Variants in NAV3 observed in about 807,000 individuals in gnomAD.
The protein encoded by NAV3 is pore membrane and/or filament interacting like protein 1.
In NAV3, 87 loss-of-function variants were observed where a neutral mutation model predicts 244.7. The observed-to-expected ratio is 0.36, with a 90% CI of 0.30 to 0.42. NAV3 has a LOEUF of 0.42. Among genes scored for constraint, NAV3 ranks in the 20% least tolerant of loss-of-function variants. The probability of loss-of-function intolerance (pLI) is 1.00; values close to 1 mark genes in which losing one functional copy is unlikely to be tolerated. For synonymous variants in NAV3, 1,126 were observed against 1,042.2 expected (o/e 1.08, Z -1.55); for missense variants, 2,663 against 2,893.3 (o/e 0.92, Z 1.83).
At chr12:77,920,575 C>T (rs1272432807) in intron 1 of NAV3, among the ~76,000 whole-genome samples, 2 of 151,952 alleles carry the variant, frequency 1.3e-5, no homozygotes. Flanking sequence ...AATTAAAATG[C>T]ATTTTTAGCT....
intron 1 of NAV3, among the ~76,000 whole-genome samples, chr12:77,869,415 A>G (rs1259778913): frequency 6.6e-6 from 1 of 152,238 alleles, no homozygotes; most frequent in East Asian, 1.9e-4. Context: ...AATGCAATCA[A>G]TCTTATTGCC....
chr12:78,124,331 T>C (rs1955810612), intron 16 of NAV3, among the ~76,000 whole-genome samples: 1 of 152,250 alleles, frequency 6.6e-6, no homozygotes, highest in Admixed American at 6.5e-5. Context: ...CTGAAGTCAA[T>C]AAAATTTTCA....
At chr12:77,981,519 T>C (rs1334375214) in intron 5 of NAV3, among the ~76,000 whole-genome samples, 2 of 152,134 alleles carry the variant, frequency 1.3e-5, no homozygotes, top group Non-Finnish European at 2.9e-5. Flanking sequence ...TTAGTGAATG[T>C]ATTTAACTGT....
intron 12 of NAV3, among the ~76,000 whole-genome samples, chr12:78,090,770 A>G (rs1178021289): frequency 3.3e-5 from 5 of 152,194 alleles, no homozygotes; most frequent in Non-Finnish European, 7.3e-5. Flanking sequence ...AAGAGCTACT[A>G]CAATAGTTGC....
intron 2 of NAV3, among the ~76,000 whole-genome samples, chr12:77,765,682 G>A (rs1869713221): frequency 6.6e-6 from 1 of 152,108 alleles, no homozygotes; most frequent in Non-Finnish European, 1.5e-5. Context: ...GGGATGGTGA[G>A]AACTGAGAAT....
intron 2 of NAV3, among the ~76,000 whole-genome samples, chr12:77,718,714 A>T (rs558386864): frequency 6.6e-6 from 1 of 152,036 alleles, no homozygotes; most frequent in South Asian, 2.1e-4. Flanking sequence ...CTGAAGTGGG[A>T]TGGCATGATC....
rs930305191 is a variant in NAV3, at chr12:78,036,953, T to G, written c.2024-13040T>G. On this transcript the variant is annotated intron_variant, in intron 9 of 39. Coordinates refer to ENST00000397909, the MANE Select transcript of NAV3 (RefSeq NM_001024383.2). ...TTCAGAAACAAAAGTCTCTGACCAA[T>G]CTTTCCCTCACCAGTGATGGGGAGA... 1.3e-5 allele frequency: 9 copies of G among 702,848 alleles called. No individual in the cohort carries two copies. In the African/African-American group the frequency reaches 1.6e-4, roughly 12 times the overall value. The allele number at this position is 702,848 out of a possible 1,614,324, so 43.5% of individuals were successfully genotyped here. A position where few individuals can be genotyped will look rare whatever the true frequency, so the allele number is the denominator to read the frequency against.
intron 30 of NAV3, among the ~76,000 whole-genome samples, chr12:78,184,992 G>C (rs1042405852): frequency 2.0e-5 from 3 of 151,732 alleles, no homozygotes; most frequent in Non-Finnish European, 4.4e-5. Context: ...GTAACTCTTA[G>C]CTGATTACTA....
At position 78,119,559 on chromosome 12, in the gene NAV3, T is replaced by A. The variant is rs2138618236; in HGVS notation, c.3363T>A (p.Asp1121Glu). ...KTSLDGSQNQ[D>E]DVVLHVSSKT... ...GTTTGGACGGTTCACAGAATCAGGA[T>A]GATGTTGTGCTGCATGTTAGCTCAA... Residue 1121 changes from aspartate (D) to glutamate (E), a missense_variant, in exon 15 of 40, where the codon GAT becomes GAA. This residue lies in a region of NAV3 where 1,521 missense variants were observed against 1,497.0 expected (regional missense o/e 1.02). Coordinates refer to ENST00000397909, the MANE Select transcript of NAV3 (RefSeq NM_001024383.2). 3 of 1,614,158 alleles carry A rather than the reference T, an allele frequency of 1.9e-6. No homozygotes were observed. The highest frequency in any genetic ancestry group is 2.7e-5 in the African/African-American group (2 of 75,050).
intron 12 of NAV3, among the ~76,000 whole-genome samples, chr12:78,094,876 G>C (rs185637385): frequency 2.0e-5 from 3 of 151,540 alleles, no homozygotes; most frequent in Non-Finnish European, 2.9e-5. Context: ...GTGAAACCCC[G>C]TCTCTACTAA....
At chr12:77,727,974 T>C (rs1049567702) in intron 2 of NAV3, among the ~76,000 whole-genome samples, 1 of 151,868 alleles carries the variant, frequency 6.6e-6, no homozygotes, top group Non-Finnish European at 1.5e-5. Context: ...AACACCCAAA[T>C]TGGCCTCATC....
intron 12 of NAV3, among the ~76,000 whole-genome samples, chr12:78,105,014 C>T (rs1032255817): frequency 1.3e-5 from 2 of 151,966 alleles, no homozygotes; most frequent in Non-Finnish European, 2.9e-5. Context: ...AGGATAGATT[C>T]CTAGAAATGG....
intron 2 of NAV3, among the ~76,000 whole-genome samples, chr12:77,620,433 C>G (rs1871324641): frequency 6.6e-6 from 1 of 151,842 alleles, no homozygotes; most frequent in South Asian, 2.1e-4. Context: ...TGTGTCAAGT[C>G]TTCAAATTAA....
chr12:78,151,161 G>C (rs531726039), intron 22 of NAV3, among the ~76,000 whole-genome samples: 1 of 151,986 alleles, frequency 6.6e-6, no homozygotes, highest in Admixed American at 6.6e-5. Context: ...GCTAGTCTTG[G>C]AGACAAACGC....
At chr12:78,129,808 C>T (rs1188629754) in intron 18 of NAV3, among the ~76,000 whole-genome samples, 2 of 151,948 alleles carry the variant, frequency 1.3e-5, no homozygotes, top group African/African-American at 2.4e-5. Flanking sequence ...GAATTTAGGA[C>T]GGAGGACAAT....
At chr12:77,718,623 G>C (rs1342075477) in intron 2 of NAV3, among the ~76,000 whole-genome samples, 1 of 148,124 alleles carries the variant, frequency 6.8e-6, no homozygotes, top group African/African-American at 2.7e-5. Context: ...TTTTGATGGA[G>C]ATTTATTTGA....
At chr12:77,730,229 G>C (rs1877059149) in intron 2 of NAV3, among the ~76,000 whole-genome samples, 1 of 151,794 alleles carries the variant, frequency 6.6e-6, no homozygotes, top group Non-Finnish European at 1.5e-5. Flanking sequence ...AGAAGAAATT[G>C]AAACATTCAC....
chr12:77,909,866 A>T (rs1052239096), intron 1 of NAV3, among the ~76,000 whole-genome samples: 1 of 152,100 alleles, frequency 6.6e-6, no homozygotes, highest in Non-Finnish European at 1.5e-5. Flanking sequence ...AATGTCTAAA[A>T]ATGGGTTTCA....
At chr12:78,142,453 CTTTT>C (rs1335951701) in intron 20 of NAV3, among the ~76,000 whole-genome samples, 19 of 151,792 alleles carry the variant, frequency 1.3e-4, no homozygotes, top group Non-Finnish European at 4.4e-5. Context: ...GATGAATTGA[CTTTT>C]TTATTTTAAT....
Sources: allele counts gnomAD v4.1 joint callset (sites outside exome capture counted in the v4.1 genomes callset), GRCh38; gene constraint gnomAD v4.1.1; regional missense constraint gnomAD v4.1.1; transcripts MANE v1.5; gene names NCBI Gene and HGNC (gene_info 2026-07-23, HGNC 2026-07-21).